FRYL: variants seen among roughly 807,000 people sequenced by gnomAD.
FRYL encodes the protein protein furry homolog-like.
Under a neutral mutation model 351.2 loss-of-function variants are expected in FRYL, and 150 were observed. That is an observed-to-expected ratio of 0.43 (90% CI 0.37 to 0.49). The LOEUF is 0.49. Ranked by LOEUF, FRYL falls within the 20% of genes least tolerant of loss-of-function variation. FRYL has a pLI of 0.00. For synonymous variants in FRYL, 1,153 were observed against 1,257.1 expected (o/e 0.92, Z 1.75); for missense variants, 3,036 against 3,619.3 (o/e 0.84, Z 4.13).
chr4:48,515,968 G>A (rs998194633), intron 55 of FRYL, among the ~76,000 whole-genome samples: 2 of 152,052 alleles, frequency 1.3e-5, no homozygotes, highest in African/African-American at 4.8e-5. Flanking sequence ...ATAAGTAGGA[G>A]AGATGACTCA....
chr4:48,623,076 G>C (rs1750991405), intron 5 of FRYL, 50 bp downstream of exon 5: 1 of 1,152,288 alleles, frequency 8.7e-7, no homozygotes. Context: ...AGACTATTAG[G>C]ATGAACACTA....
At chr4:48,532,527 A>G (rs1193272195) in intron 49 of FRYL, among the ~76,000 whole-genome samples, 1 of 152,108 alleles carries the variant, frequency 6.6e-6, no homozygotes, top group Non-Finnish European at 1.5e-5. Flanking sequence ...GCATGGTGGT[A>G]TGTGCCTCTA....
intron 3 of FRYL, among the ~76,000 whole-genome samples, chr4:48,640,685 C>T (rs1389206532): frequency 2.0e-5 from 3 of 152,074 alleles, no homozygotes. Flanking sequence ...TCAATGGTAA[C>T]AAACATACCA....
chr4:48,563,896 T>C, intron 31 of FRYL, 52 bp downstream of exon 31: 1 of 1,573,764 alleles, frequency 6.4e-7, no homozygotes, highest in Non-Finnish European at 8.6e-7. Flanking sequence ...AAGAAAAACT[T>C]TTCTTTAAGA....
At chr4:48,676,617 T>C (rs1195192542) in intron 3 of FRYL, among the ~76,000 whole-genome samples, 1 of 151,612 alleles carries the variant, frequency 6.6e-6, no homozygotes, top group Admixed American at 6.6e-5. Flanking sequence ...GGTCTCAATC[T>C]CCTGACCTCG....
intron 26 of FRYL, among the ~76,000 whole-genome samples, chr4:48,572,480 G>T (rs888833029): frequency 2.0e-5 from 3 of 152,102 alleles, no homozygotes; most frequent in African/African-American, 7.2e-5. Context: ...GCTGTTCTTT[G>T]CCTAGAATAC....
Position 48,724,256 on chromosome 4 carries a change from T to A in FRYL, c.-383-13558A>T, listed in dbSNP as rs188512678. Among the ~76,000 whole-genome samples the A allele has an allele frequency of 2.0e-3, 300 of 152,248 alleles. 1 individual carries two copies. Among genetic ancestry groups the A allele is most frequent in the African/African-American group, 6.6e-3 (273 of 41,554 alleles). On this transcript the variant is annotated intron_variant, in intron 1 of 63. Coordinates refer to ENST00000358350, the MANE Select transcript of FRYL (RefSeq NM_015030.2). ...AGGGGAAAAAGTCCATGGCCAAACATCTCTGACTTTTCCTTTCCCCTATTC... is the reference window on the plus strand; with the variant it reads ...AGGGGAAAAAGTCCATGGCCAAACAACTCTGACTTTTCCTTTCCCCTATTC...
At chr4:48,562,132 C>G (rs1395125786) in intron 32 of FRYL, among the ~76,000 whole-genome samples, 2 of 152,060 alleles carry the variant, frequency 1.3e-5, no homozygotes, top group Non-Finnish European at 2.9e-5. Flanking sequence ...ACTCCAGCAA[C>G]TTAATATACG....
At chr4:48,680,442 T>C (rs1578703050) in intron 3 of FRYL, among the ~76,000 whole-genome samples, 1 of 151,936 alleles carries the variant, frequency 6.6e-6, no homozygotes, top group Non-Finnish European at 1.5e-5. Context: ...ATATTTACCT[T>C]TGCAGGATTA....
intron 2 of FRYL, among the ~76,000 whole-genome samples, chr4:48,708,850 T>A (rs1359433714): frequency 6.6e-6 from 1 of 150,920 alleles, no homozygotes; most frequent in African/African-American, 2.4e-5. Context: ...CACCTGGGCC[T>A]CCCAAAGCAC....
At chr4:48,622,163 A>C (rs1473354506) in intron 5 of FRYL, among the ~76,000 whole-genome samples, 1 of 152,228 alleles carries the variant, frequency 6.6e-6, no homozygotes, top group Non-Finnish European at 1.5e-5. Flanking sequence ...CATTTACAAT[A>C]AAAATGGAAA....
chr4:48,535,672 C>A lies in FRYL; in HGVS notation c.6549G>T (p.Val2183=). 6.3e-7 allele frequency: 1 copy of A among 1,581,234 alleles called. No individual in the cohort carries two copies. Among genetic ancestry groups the A allele is most frequent in the South Asian group, 1.2e-5 (1 of 84,500 alleles). The change falls in exon 48 of 64, where the codon GTG becomes GTT. Residue 2183 remains valine (V), a synonymous_variant. Transcript: ENST00000358350. The part of the protein sequence containing the change: ...DSFSDTTFNL[V]TYLAELLEKG... ...GTAAATTTACCTCTGCAAGATAAGT[C>A]ACAAGATTAAATGTTGTATCTGAGA...
rs12645726 is a variant in FRYL, at chr4:48,565,433, A to G, written c.3330+98T>C. The G allele has an allele frequency of 2.1e-3, 1,800 of 850,378 alleles. 42 individuals are homozygous for G. In the East Asian group the frequency reaches 0.048, roughly 23 times the overall value. The allele number at this position is 850,378 out of a possible 1,614,324, so 52.7% of individuals were successfully genotyped here. A position where few individuals can be genotyped will look rare whatever the true frequency, so the allele number is the denominator to read the frequency against. On this transcript the variant is annotated intron_variant, in intron 29 of 63. Coordinates refer to ENST00000358350, the MANE Select transcript of FRYL (RefSeq NM_015030.2). ...TTGAATATGGCAGAAAAACATTTTA[A>G]TACTCTCAGATCCTCTTTTTAATAC... is the stretch of plus-strand genomic sequence containing the variant.
chr4:48,509,939 G>C (rs2148760189), intron 59 of FRYL, 120 bp downstream of exon 59: 1 of 634,896 alleles, frequency 1.6e-6, no homozygotes, highest in East Asian at 2.7e-5. Flanking sequence ...GCTGCTCTCA[G>C]GAAAACCCTG....
chr4:48,509,723 G>C (rs943058471), intron 59 of FRYL, among the ~76,000 whole-genome samples: 2 of 152,178 alleles, frequency 1.3e-5, no homozygotes, highest in African/African-American at 4.8e-5. Context: ...TTACAGCTTT[G>C]TCAGAGGTTG....
intron 2 of FRYL, among the ~76,000 whole-genome samples, chr4:48,687,926 G>T (rs1469649725): frequency 6.6e-6 from 1 of 152,026 alleles, no homozygotes; most frequent in Non-Finnish European, 1.5e-5. Flanking sequence ...TAAAAGATTG[G>T]GGTCCCTGCT....
chr4:48,585,284 A>G (rs1432493973), intron 19 of FRYL, among the ~76,000 whole-genome samples: 1 of 152,214 alleles, frequency 6.6e-6, no homozygotes, highest in Non-Finnish European at 1.5e-5. Flanking sequence ...AAGGGAACAA[A>G]TTTATATAAT....
At chr4:48,774,939 T>C (rs543952454) in intron 1 of FRYL, among the ~76,000 whole-genome samples, 1 of 152,344 alleles carries the variant, frequency 6.6e-6, no homozygotes, top group Admixed American at 6.5e-5. Flanking sequence ...AAAGAATGTA[T>C]TACTACTATG....
At chr4:48,663,112 T>G (rs1269328536) in intron 3 of FRYL, among the ~76,000 whole-genome samples, 2 of 152,008 alleles carry the variant, frequency 1.3e-5, no homozygotes, top group Non-Finnish European at 2.9e-5. Flanking sequence ...CAAAGTTAAT[T>G]AACTATTTAA....
Sources: gnomAD v4.1 joint callset for allele counts (sites outside exome capture counted in the v4.1 genomes callset) on GRCh38, gnomAD v4.1.1 for gene constraint, MANE v1.5 for transcripts, NCBI Gene and HGNC (gene_info 2026-07-23, HGNC 2026-07-21) for gene names.